Variants in EDN1 observed in about 807,000 individuals in gnomAD.
The protein encoded by EDN1 is endothelin 1.
In EDN1, 11 loss-of-function variants were observed where a neutral mutation model predicts 21.7. The observed-to-expected ratio is 0.51, with a 90% CI of 0.32 to 0.84. EDN1 has a LOEUF of 0.84. Among genes scored for constraint, EDN1 ranks in the 40% least tolerant of loss-of-function variants. The pLI, the probability that EDN1 is intolerant of heterozygous loss-of-function variation, is 0.03. For synonymous variants in EDN1, 85 were observed against 90.6 expected (o/e 0.94, Z 0.35); for missense variants, 244 against 262.3 (o/e 0.93, Z 0.48).
the EDN1 span, among the ~76,000 whole-genome samples, chr6:12,283,988 C>T: frequency 6.6e-6 from 1 of 152,232 alleles, no homozygotes; most frequent in African/African-American, 2.4e-5. Context: ...GGAACCTCAG[C>T]TTCCTCACCC....
At chr6:12,253,185 G>C in the EDN1 span, among the ~76,000 whole-genome samples, 1 of 152,146 alleles carries the variant, frequency 6.6e-6, no homozygotes, top group Non-Finnish European at 1.5e-5. Context: ...GTTAGAAACA[G>C]ACTCCCAATG....
At chr6:12,276,936 T>G in the EDN1 span, among the ~76,000 whole-genome samples, 1 of 152,232 alleles carries the variant, frequency 6.6e-6, no homozygotes, top group African/African-American at 2.4e-5. Context: ...TATAGACATA[T>G]GATTATTTTT....
intron 4 of EDN1, 141 bp downstream of exon 4, chr6:12,294,545 G>A: frequency 6.5e-6 from 6 of 916,970 alleles, no homozygotes; most frequent in African/African-American, 1.7e-5. Flanking sequence ...GGAGATCTAT[G>A]CATCCTATAG....
chr6:12,260,480 C>T, the EDN1 span, among the ~76,000 whole-genome samples: 25 of 152,192 alleles, frequency 1.6e-4, no homozygotes, highest in African/African-American at 6.0e-4. Flanking sequence ...AACTGCTTTT[C>T]CTGTTTTATC....
the EDN1 span, among the ~76,000 whole-genome samples, chr6:12,239,381 C>T: frequency 6.6e-6 from 1 of 152,132 alleles, no homozygotes; most frequent in African/African-American, 2.4e-5. Flanking sequence ...GTCATGGCCA[C>T]CTAAAAGAAA....
the EDN1 span, among the ~76,000 whole-genome samples, chr6:12,279,354 A>G: frequency 6.6e-6 from 1 of 152,144 alleles, no homozygotes; most frequent in Admixed American, 6.5e-5. Context: ...TAGGAAATTT[A>G]CCCACTCCTA....
At chr6:12,287,706 TCTCTCTCACACACACA>T (rs1379530667), upstream of EDN1, among the ~76,000 whole-genome samples, 3 of 76,090 alleles carry the variant, frequency 3.9e-5, no homozygotes, top group African/African-American at 8.0e-5. Context: ...TCTCTCTCTC[TCTCTCTCACACACACA>T]CACACACACA....
At chr6:12,248,194 A>G in the EDN1 span, among the ~76,000 whole-genome samples, 1 of 152,212 alleles carries the variant, frequency 6.6e-6, no homozygotes, top group South Asian at 2.1e-4. Flanking sequence ...TAGGAAAAGC[A>G]TAGTGGCAGA....
rs973317693 is a variant in EDN1, at chr6:12,297,007, A to AT, written c.*947dup. The AT allele has an allele frequency of 2.0e-5, 3 of 152,192 alleles. No individual in the cohort carries two copies. The highest frequency in any genetic ancestry group is 2.9e-5 in the Non-Finnish European group (2 of 67,974). The allele number at this position is 152,192 out of a possible 1,614,324, so 9.4% of individuals were successfully genotyped here. On this transcript the variant is annotated 3_prime_UTR_variant, in exon 5 of 5. Coordinates refer to ENST00000379375, the MANE Select transcript of EDN1 (RefSeq NM_001955.5). ...GGTTGGATTGAATTTTGATGTACTT[A>AT]TTTTTTTATAGATATTTATATTCAA... is the stretch of plus-strand genomic sequence containing the variant.
intron 1 of EDN1, 71 bp from the exon 2 acceptor site, chr6:12,292,270 C>G (rs537509032): frequency 2.1e-4 from 333 of 1,596,276 alleles, no homozygotes; most frequent in Middle Eastern, 1.2e-3. Context: ...AGCTCTGACT[C>G]TACTGTGATC....
chr6:12,268,087 G>T, the EDN1 span, among the ~76,000 whole-genome samples: 1 of 152,094 alleles, frequency 6.6e-6, no homozygotes, highest in Non-Finnish European at 1.5e-5. Context: ...CATTGACAAT[G>T]TACCTGGTTA....
upstream of EDN1, chr6:12,290,274 T>C: frequency 3.3e-6 from 1 of 307,086 alleles, no homozygotes; most frequent in Non-Finnish European, 6.3e-6. Flanking sequence ...ACAATAACAT[T>C]GTCTGGGGCT....
chr6:12,232,844 T>C, the EDN1 span, among the ~76,000 whole-genome samples: 4 of 152,326 alleles, frequency 2.6e-5, no homozygotes, highest in Admixed American at 2.6e-4. Flanking sequence ...TTCACATCAA[T>C]GAGAAAATCA....
the EDN1 span, among the ~76,000 whole-genome samples, chr6:12,276,639 A>G: frequency 6.6e-6 from 1 of 152,208 alleles, no homozygotes; most frequent in African/African-American, 2.4e-5. Context: ...GGAGGGGTTT[A>G]GGGAAGACTT....
chr6:12,272,297 G>A, the EDN1 span, among the ~76,000 whole-genome samples: 1 of 152,000 alleles, frequency 6.6e-6, no homozygotes, highest in Non-Finnish European at 1.5e-5. Flanking sequence ...GGTGAGGAGT[G>A]GTGTGATGAG....
chr6:12,261,320 G>C, the EDN1 span, among the ~76,000 whole-genome samples: 1 of 152,220 alleles, frequency 6.6e-6, no homozygotes. Flanking sequence ...AACAGAGTCT[G>C]CTTTCAAAGG....
the EDN1 span, among the ~76,000 whole-genome samples, chr6:12,236,860 T>C: frequency 6.6e-6 from 1 of 151,978 alleles, no homozygotes; most frequent in Non-Finnish European, 1.5e-5. Context: ...GGTTCTAGGG[T>C]ACATGTGCAC....
chr6:12,261,257 A>G, the EDN1 span, among the ~76,000 whole-genome samples: 1 of 152,194 alleles, frequency 6.6e-6, no homozygotes, highest in African/African-American at 2.4e-5. Flanking sequence ...AAGCGACTAA[A>G]ACTGAAGTAT....
chr6:12,274,643 G>T, the EDN1 span, among the ~76,000 whole-genome samples: 1 of 152,162 alleles, frequency 6.6e-6, no homozygotes, highest in Non-Finnish European at 1.5e-5. Flanking sequence ...GAATAAATTA[G>T]AATCATCTAC....
Sources: gnomAD v4.1 joint callset for allele counts (sites outside exome capture counted in the v4.1 genomes callset) on GRCh38, gnomAD v4.1.1 for gene constraint, MANE v1.5 for transcripts, NCBI Gene and HGNC (gene_info 2026-07-23, HGNC 2026-07-21) for gene names.